The following MAML2 variants were observed in gnomAD, a reference collection of about 807,000 sequenced individuals.
MAML2 encodes mastermind-like protein 2.
Under a neutral mutation model 96.1 loss-of-function variants are expected in MAML2, and 22 were observed. The observed-to-expected ratio is 0.23, with a 90% confidence interval of 0.16 to 0.33. The LOEUF (loss-of-function observed/expected upper bound fraction) is 0.33, where lower values mean the gene tolerates loss of function less well. MAML2 is among the 10% of genes least tolerant of loss of function. The pLI, the probability that MAML2 is intolerant of heterozygous loss-of-function variation, is 1.00. For synonymous variants in MAML2, 561 were observed against 521.3 expected, an observed-to-expected ratio of 1.08 and a Z score of -1.04; for missense variants, 1,367 against 1,392.4, an observed-to-expected ratio of 0.98 and a Z score of 0.29.
At chr11:96,102,822 T>C (rs1859956988) in intron 1 of MAML2, among the ~76,000 whole-genome samples, 1 of 152,232 alleles carries the variant, frequency 6.6e-6, no homozygotes, top group African/African-American at 2.4e-5. Flanking sequence ...GCACATAATA[T>C]TCTGTAAAAG....
At chr11:96,237,040 A>T (rs693182) in intron 1 of MAML2, among the ~76,000 whole-genome samples, 3 of 151,922 alleles carry the variant, frequency 2.0e-5, no homozygotes, top group Admixed American at 6.6e-5. Flanking sequence ...ACCAAGCATG[A>T]GCCAAAATGG....
intron 1 of MAML2, among the ~76,000 whole-genome samples, chr11:96,129,400 A>G (rs1860507167): frequency 1.3e-5 from 2 of 152,184 alleles, no homozygotes; most frequent in Non-Finnish European, 2.9e-5. Flanking sequence ...ATTTCTAACA[A>G]GTTTCCATGT....
chr11:96,206,355 T>G (rs1455075170), intron 1 of MAML2, among the ~76,000 whole-genome samples: 3 of 152,192 alleles, frequency 2.0e-5, no homozygotes, highest in Admixed American at 6.5e-5. Context: ...CCCAGCACTT[T>G]GGGAGGCCGA....
intron 1 of MAML2, among the ~76,000 whole-genome samples, chr11:96,236,307 C>T (rs1426318898): frequency 6.6e-6 from 1 of 152,118 alleles, no homozygotes; most frequent in East Asian, 1.9e-4. Flanking sequence ...TGCTACTTGA[C>T]AGAATAAAAG....
intron 1 of MAML2, among the ~76,000 whole-genome samples, chr11:96,192,540 G>A (rs1483235049): frequency 6.6e-6 from 1 of 152,216 alleles, no homozygotes; most frequent in African/African-American, 2.4e-5. Context: ...GGTGATCTAT[G>A]ATGAGGAATT....
At position 96,269,588 on chromosome 11, in the gene MAML2, C is replaced by T. The variant is rs145410458; in HGVS notation, c.513+71795G>A. Among the ~76,000 whole-genome samples, 1,354 of 144,228 alleles carry T rather than the reference C, an allele frequency of 9.4e-3. 245 individuals carry two copies. Among genetic ancestry groups the T allele is most frequent in the African/African-American group, 0.034 (1,277 of 37,574 alleles). 94.6% of individuals were successfully genotyped at this position (144,228 alleles called of 152,430 possible). A position where few individuals can be genotyped will look rare whatever the true frequency, so the allele number is the denominator to read the frequency against. On this transcript the variant is annotated intron_variant, in intron 1 of 4. Coordinates refer to ENST00000524717, the MANE Select transcript of MAML2 (RefSeq NM_032427.4). ...GTGCAGTGGCACAATCTCAGCTCAC[C>T]GCAACCTCTGCCTCCTGGGTTCAAG...
At chr11:96,332,081 G>A (rs1309374696) in intron 1 of MAML2, among the ~76,000 whole-genome samples, 1 of 152,204 alleles carries the variant, frequency 6.6e-6, no homozygotes, top group African/African-American at 2.4e-5. Flanking sequence ...TCCTTCCCAT[G>A]TGTGGTTGTA....
intron 1 of MAML2, among the ~76,000 whole-genome samples, chr11:96,212,289 T>G (rs16923321): frequency 4.6e-5 from 7 of 150,724 alleles, no homozygotes; most frequent in African/African-American, 7.3e-5. Context: ...TAGGAGCCAG[T>G]GTCAGATAGA....
intron 2 of MAML2, among the ~76,000 whole-genome samples, chr11:96,028,336 C>A (rs775551170): frequency 8.5e-5 from 13 of 152,214 alleles, no homozygotes; most frequent in Non-Finnish European, 1.6e-4. Flanking sequence ...ACGTTTTCCT[C>A]ATTTCTGCAC....
At chr11:96,317,200 T>C (rs1863644089) in intron 1 of MAML2, among the ~76,000 whole-genome samples, 1 of 152,196 alleles carries the variant, frequency 6.6e-6, no homozygotes, top group Non-Finnish European at 1.5e-5. Flanking sequence ...GAAGGAAAGA[T>C]GCACCTTTGC....
At chr11:96,050,006 G>A (rs952627480) in intron 2 of MAML2, among the ~76,000 whole-genome samples, 8 of 152,076 alleles carry the variant, frequency 5.3e-5, no homozygotes, top group African/African-American at 1.7e-4. Flanking sequence ...CGTTCTTTCC[G>A]AACAGTAAAG....
chr11:96,249,574 C>A (rs1158310514), intron 1 of MAML2, among the ~76,000 whole-genome samples: 1 of 152,156 alleles, frequency 6.6e-6, no homozygotes, highest in African/African-American at 2.4e-5. Flanking sequence ...AATGGCAGTT[C>A]TAGCTGCACG....
intron 1 of MAML2, among the ~76,000 whole-genome samples, chr11:96,317,934 G>GA (rs1325346264): frequency 6.6e-6 from 1 of 152,206 alleles, no homozygotes; most frequent in Admixed American, 6.5e-5. Context: ...AACTCCTGAG[G>GA]ACAAATCAAG....
intron 1 of MAML2, among the ~76,000 whole-genome samples, chr11:96,276,990 G>C (rs574759539): frequency 6.6e-6 from 1 of 152,110 alleles, no homozygotes; most frequent in Non-Finnish European, 1.5e-5. Flanking sequence ...ATCTAAAGCC[G>C]AGTGCGGCAG....
intron 1 of MAML2, among the ~76,000 whole-genome samples, chr11:96,103,066 G>C (rs1187274497): frequency 6.6e-6 from 1 of 151,942 alleles, no homozygotes; most frequent in Non-Finnish European, 1.5e-5. Flanking sequence ...TTCTCTAAAG[G>C]GCATACCTCA....
chr11:96,247,959 G>A (rs1490393384), intron 1 of MAML2, among the ~76,000 whole-genome samples: 1 of 152,022 alleles, frequency 6.6e-6, no homozygotes, highest in Non-Finnish European at 1.5e-5. Flanking sequence ...AAACTGGCTA[G>A]TTCAAACTGA....
At chr11:96,007,169 ATTTT>A (rs766991159) in intron 2 of MAML2, among the ~76,000 whole-genome samples, 14 of 83,574 alleles carry the variant, frequency 1.7e-4, no homozygotes, top group Admixed American at 1.5e-3. Context: ...TGTCCAGTTA[ATTTT>A]TTTTTTTTTT....
At chr11:95,991,427 C>G in intron 3 of MAML2, 93 bp downstream of exon 3, 1 of 1,168,348 alleles carries the variant, frequency 8.6e-7, no homozygotes, top group Non-Finnish European at 1.3e-6. Flanking sequence ...GTTGCTGTCA[C>G]GTAAGTAGGC....
At chr11:96,116,179 C>A (rs186086696) in intron 1 of MAML2, among the ~76,000 whole-genome samples, 4 of 152,112 alleles carry the variant, frequency 2.6e-5, no homozygotes, top group Non-Finnish European at 5.9e-5. Flanking sequence ...CTCTTTATAC[C>A]GCTATAAGTG....
Sources: gnomAD v4.1 joint callset for allele counts (sites outside exome capture counted in the v4.1 genomes callset) on GRCh38, gnomAD v4.1.1 for gene constraint, MANE v1.5 for transcripts, NCBI Gene and HGNC (gene_info 2026-07-23, HGNC 2026-07-21) for gene names.